Variants in PLCE1 observed in about 807,000 individuals in gnomAD.
PLCE1 encodes the protein 1-phosphatidylinositol 4,5-bisphosphate phosphodiesterase epsilon-1.
In PLCE1, 119 loss-of-function variants were observed where a neutral mutation model predicts 242.8. That is an observed-to-expected ratio of 0.49 (90% confidence interval 0.42 to 0.57). The LOEUF is 0.57. Among genes scored for constraint, PLCE1 ranks in the 20% least tolerant of loss-of-function variants. The pLI is 0.00. For missense variants in PLCE1, 2,441 were observed against 2,788.8 expected (o/e 0.88, Z 2.81); for synonymous variants, 945 against 1,017.4 (o/e 0.93, Z 1.35).
intron 1 of PLCE1, among the ~76,000 whole-genome samples, chr10:94,028,367 C>A (rs1279933994): frequency 6.6e-6 from 1 of 152,142 alleles, no homozygotes; most frequent in East Asian, 1.9e-4. Context: ...TCCATACTTT[C>A]CACAGGGATC....
At chr10:94,007,695 C>CTTT (rs1309385991) in intron 1 of PLCE1, among the ~76,000 whole-genome samples, 2 of 72,838 alleles carry the variant, frequency 2.7e-5, no homozygotes, top group African/African-American at 1.5e-4. Flanking sequence ...TCAAAGCCTA[C>CTTT]TTTCTTTTTT....
At chr10:94,040,379 A>G (rs1357037910) in intron 2 of PLCE1, among the ~76,000 whole-genome samples, 2 of 151,434 alleles carry the variant, frequency 1.3e-5, no homozygotes, top group Admixed American at 6.6e-5. Flanking sequence ...TGTTTTTTTT[A>G]TTATCCAAAC....
chr10:94,159,842 C>A (rs2047552451), intron 3 of PLCE1, among the ~76,000 whole-genome samples: 1 of 152,054 alleles, frequency 6.6e-6, no homozygotes, highest in African/African-American at 2.4e-5. Context: ...TTGTTCAATT[C>A]CCACCTATGA....
rs574311085 is a variant in PLCE1 at position 94,331,676 on chromosome 10, C to T, written c.*3733C>T. The T allele has an allele frequency of 8.5e-4, 129 of 152,246 alleles. 1 individual carries two copies. The highest frequency in any genetic ancestry group is 1.4e-3 in the Non-Finnish European group (92 of 68,032). 9.4% of individuals were successfully genotyped at this position (152,246 alleles called of 1,614,324 possible). On this transcript the variant is annotated 3_prime_UTR_variant, in exon 33 of 33. Transcript: ENST00000371380. ...AAGTTAGAGAGAAAAGGGAGATTGT[C>T]TCTTATACAGAGTCTAGACTTGGGT...
At chr10:94,132,126 T>C (rs2046615211) in intron 2 of PLCE1, 48 bp from the exon 3 acceptor site, 3 of 1,587,184 alleles carry the variant, frequency 1.9e-6, no homozygotes, top group Non-Finnish European at 8.6e-7. Flanking sequence ...TTAATTTGCT[T>C]TCCTAAGAAA....
intron 3 of PLCE1, among the ~76,000 whole-genome samples, chr10:94,164,552 G>C (rs2047727590): frequency 6.6e-6 from 1 of 152,082 alleles, no homozygotes; most frequent in Admixed American, 6.6e-5. Flanking sequence ...CTTTTTTCAA[G>C]GTTTTTAACT....
At chr10:94,284,810 A>C (rs1466760010) in intron 21 of PLCE1, 38 bp from the exon 22 acceptor site, 11 of 1,088,316 alleles carry the variant, frequency 1.0e-5, no homozygotes, top group Non-Finnish European at 1.6e-5. Flanking sequence ...AGTAGCATAT[A>C]CCTTCCATGT....
intron 2 of PLCE1, among the ~76,000 whole-genome samples, chr10:94,078,101 G>A (rs2044556433): frequency 6.6e-6 from 1 of 152,160 alleles, no homozygotes; most frequent in Admixed American, 6.5e-5. Context: ...TTGATTATGG[G>A]TTACTGTCTC....
intron 3 of PLCE1, among the ~76,000 whole-genome samples, chr10:94,165,357 C>T (rs1296259354): frequency 5.3e-5 from 8 of 152,190 alleles, no homozygotes; most frequent in Non-Finnish European, 7.3e-5. Context: ...GCCTCGCTGC[C>T]GCCTTGCAGT....
In PLCE1 at chr10:94,030,507, G is replaced by A. The variant is rs573411574; in HGVS notation, c.-364-176G>A. Among the ~76,000 whole-genome samples the A allele has an allele frequency of 2.0e-5, 3 of 151,300 alleles. No individual in the cohort carries two copies. The South Asian group carries it at 6.3e-4, about 32-fold the overall frequency. ...TGCCCTTGTTACTCCATTTTGGCTG[G>A]AAGCAGAAGTTCTGAAACATTAAAT... On this transcript the variant is annotated intron_variant, in intron 1 of 32. Coordinates refer to ENST00000371380, the MANE Select transcript of PLCE1 (RefSeq NM_016341.4).
At chr10:94,089,199 T>A (rs756036285) in intron 2 of PLCE1, 1 of 1,614,024 alleles carries the variant, frequency 6.2e-7, no homozygotes, top group South Asian at 1.1e-5. Flanking sequence ...GGCACCAGGC[T>A]TGGTTTCTGT....
At chr10:94,303,885 A>G (rs527967963) in intron 24 of PLCE1, among the ~76,000 whole-genome samples, 5 of 152,316 alleles carry the variant, frequency 3.3e-5, no homozygotes, top group African/African-American at 1.2e-4. Context: ...TAAACAATAC[A>G]GTATGGCAAC....
At chr10:94,242,536 C>A (rs2050543180) in intron 7 of PLCE1, among the ~76,000 whole-genome samples, 1 of 152,124 alleles carries the variant, frequency 6.6e-6, no homozygotes, top group South Asian at 2.1e-4. Flanking sequence ...GTCTTGAACT[C>A]CTGGCCTCAA....
chr10:94,268,182 GT>G (rs2051583201), intron 16 of PLCE1, among the ~76,000 whole-genome samples: 1 of 152,136 alleles, frequency 6.6e-6, no homozygotes. Flanking sequence ...TAACAAATAG[GT>G]ATCAGCTCAT....
chr10:94,293,830 G>A (rs2052718430), intron 23 of PLCE1, among the ~76,000 whole-genome samples, 191 bp downstream of exon 23: 1 of 152,128 alleles, frequency 6.6e-6, no homozygotes, highest in South Asian at 2.1e-4. Context: ...TTTCAGGCTG[G>A]GCACAGTGGC....
chr10:94,128,745 A>G (rs1038933195), intron 2 of PLCE1, among the ~76,000 whole-genome samples: 4 of 152,184 alleles, frequency 2.6e-5, no homozygotes, highest in Admixed American at 1.3e-4. Flanking sequence ...CATGTTGTAA[A>G]TATCTACATC....
intron 2 of PLCE1, among the ~76,000 whole-genome samples, chr10:94,061,791 T>C (rs908128523): frequency 2.0e-5 from 3 of 152,238 alleles, no homozygotes; most frequent in African/African-American, 7.2e-5. Flanking sequence ...TATATTTAAA[T>C]TGTAGCACAC....
chr10:94,252,174 A>T (rs1469361587), intron 8 of PLCE1, 142 bp from the exon 9 acceptor site: 1 of 709,724 alleles, frequency 1.4e-6, no homozygotes, highest in Non-Finnish European at 2.5e-6. Context: ...GTTAGAAAAC[A>T]GTCACTTGGG....
intron 2 of PLCE1, among the ~76,000 whole-genome samples, chr10:94,040,135 T>C (rs2061737244): frequency 1.3e-5 from 2 of 152,180 alleles, no homozygotes; most frequent in East Asian, 3.9e-4. Flanking sequence ...AAAATTTTTT[T>C]TGTAGCAGCA....
Sources: allele counts gnomAD v4.1 joint callset (sites outside exome capture counted in the v4.1 genomes callset), GRCh38; gene constraint gnomAD v4.1.1; transcripts MANE v1.5; gene names NCBI Gene and HGNC (gene_info 2026-07-23, HGNC 2026-07-21).